The following CATSPERE variants were observed in gnomAD, a reference collection of about 807,000 sequenced individuals.
CATSPERE encodes catsper channel auxiliary subunit epsilon, also known as cation channel sperm-associated auxiliary subunit epsilon.
Under a neutral mutation model 114.1 loss-of-function variants are expected in CATSPERE, and 93 were observed. The observed-to-expected ratio is 0.81, with a 90% CI of 0.69 to 0.97. The LOEUF (loss-of-function observed/expected upper bound fraction) is 0.97. Among genes scored for constraint, CATSPERE ranks in the 50% least tolerant of loss-of-function variants. The pLI is 0.00. For synonymous variants in CATSPERE, 341 were observed against 384.1 expected, an observed-to-expected ratio of 0.89 and a Z score of 1.31; for missense variants, 1,058 against 1,131.6, an observed-to-expected ratio of 0.93 and a Z score of 0.93.
chr1:244,493,177 G>A (rs1572387360), intron 6 of CATSPERE, among the ~76,000 whole-genome samples: 1 of 152,142 alleles, frequency 6.6e-6, no homozygotes, highest in Non-Finnish European at 1.5e-5. Context: ...GAGGCATCAT[G>A]CTACCTGACT....
chr1:244,588,589 A>G, intron 14 of CATSPERE, 55 bp downstream of exon 14: 4 of 1,317,276 alleles, frequency 3.0e-6, no homozygotes, highest in Non-Finnish European at 4.4e-6. Context: ...AACAAATGGT[A>G]AACTAAGTGA....
At chr1:244,606,151 C>T (rs1241976665) in intron 18 of CATSPERE, among the ~76,000 whole-genome samples, 1 of 152,130 alleles carries the variant, frequency 6.6e-6, no homozygotes, top group African/African-American at 2.4e-5. Context: ...CTCTGGGCTT[C>T]GTCTCACTTG....
chr1:244,513,337 G>A (rs1676068699), intron 7 of CATSPERE, among the ~76,000 whole-genome samples: 1 of 152,192 alleles, frequency 6.6e-6, no homozygotes, highest in Admixed American at 6.5e-5. Flanking sequence ...CATGGTGGAA[G>A]TGATGGGCAG....
chr1:244,626,485 CA>C (rs35687880), intron 20 of CATSPERE, among the ~76,000 whole-genome samples: 39,515 of 66,898 alleles, frequency 0.59, 9,356 homozygotes, highest in East Asian at 0.72. Flanking sequence ...AATTCCATCT[CA>C]AAAAAAAAAA....
At chr1:244,527,437 A>C (rs189414090) in intron 8 of CATSPERE, among the ~76,000 whole-genome samples, 3 of 152,206 alleles carry the variant, frequency 2.0e-5, no homozygotes, top group Admixed American at 6.5e-5. Context: ...GTTTAAGGTT[A>C]TCTCTCTTGT....
At chr1:244,535,533 C>T (rs1326615562) in intron 8 of CATSPERE, among the ~76,000 whole-genome samples, 2 of 152,156 alleles carry the variant, frequency 1.3e-5, no homozygotes, top group Admixed American at 6.6e-5. Context: ...TTCCCTGTGG[C>T]CACCACCACC....
At chr1:244,621,907 ACAT>A (rs2148721538) in intron 20 of CATSPERE, among the ~76,000 whole-genome samples, 1 of 152,358 alleles carries the variant, frequency 6.6e-6, no homozygotes, top group African/African-American at 2.4e-5. Context: ...ACTACAGTCC[ACAT>A]CATCATTTAC....
At chr1:244,541,268 G>A (rs1658666802) in intron 8 of CATSPERE, among the ~76,000 whole-genome samples, 1 of 150,220 alleles carries the variant, frequency 6.7e-6, no homozygotes, top group Non-Finnish European at 1.5e-5. Context: ...CTGACAAAGG[G>A]CTAATATCCA....
chr1:244,545,705 A>G (rs878960277), intron 8 of CATSPERE, among the ~76,000 whole-genome samples: 2 of 152,210 alleles, frequency 1.3e-5, no homozygotes, highest in African/African-American at 4.8e-5. Flanking sequence ...GCTGTCCATC[A>G]TGAACTGTTA....
At chr1:244,513,776 G>A (rs911133459) in intron 7 of CATSPERE, among the ~76,000 whole-genome samples, 1 of 152,056 alleles carries the variant, frequency 6.6e-6, no homozygotes, top group Non-Finnish European at 1.5e-5. Flanking sequence ...AGGGCAGGTG[G>A]ATTCCCAGGC....
rs544491765 is a variant in CATSPERE, at chr1:244,538,709, C to A, written c.537-13613C>A. ...ATTCCCCTAGGCCCACAGTTTCCCC[C>A]ATGGGGAAAGATAGTGGAGCTGGAT... On this transcript the variant is annotated intron_variant, in intron 8 of 21. Transcript: ENST00000366534. Among the ~76,000 whole-genome samples the A allele has an allele frequency of 1.1e-4, 17 of 152,198 alleles. No individual in the cohort carries two copies. The East Asian group carries it at 3.1e-3, about 28-fold the overall frequency.
At chr1:244,461,838 G>A (rs886509375) in intron 1 of CATSPERE, among the ~76,000 whole-genome samples, 1 of 152,146 alleles carries the variant, frequency 6.6e-6, no homozygotes, top group Non-Finnish European at 1.5e-5. Context: ...TTTAGAGACG[G>A]CCTCTTGCTC....
intron 1 of CATSPERE, 130 bp from the exon 2 acceptor site, chr1:244,463,778 T>C (rs1403025385): frequency 4.0e-6 from 3 of 759,068 alleles, no homozygotes; most frequent in Non-Finnish European, 6.9e-6. Flanking sequence ...CCTGAGTTGC[T>C]GTCAAGGAAG....
chr1:244,594,642 AC>A (rs1319499639), intron 17 of CATSPERE, among the ~76,000 whole-genome samples: 2 of 152,212 alleles, frequency 1.3e-5, no homozygotes, highest in African/African-American at 2.4e-5. Context: ...TAAAACATCA[AC>A]AAAATGTTCT....
At position 244,581,787 on chromosome 1, in the gene CATSPERE, T is replaced by C; in HGVS notation, c.1951-9T>C. 1 of 1,271,756 alleles carries C rather than the reference T, an allele frequency of 7.9e-7. No individual in the cohort carries two copies. The highest frequency in any genetic ancestry group is 1.1e-6 in the Non-Finnish European group (1 of 901,736). 78.8% of individuals were successfully genotyped at this position (1,271,756 alleles called of 1,614,324 possible). ...TGCTTTACATAAATTTTAAATTTTC[T>C]TTTTTCAGACACTAACATTTTATCA... is the stretch of plus-strand genomic sequence containing the variant. On this transcript the variant is annotated splice_polypyrimidine_tract_variant and intron_variant, in intron 11 of 21. Coordinates refer to ENST00000366534, the MANE Select transcript of CATSPERE (RefSeq NM_001130957.2).
At chr1:244,610,483 G>A (rs755325999) in intron 19 of CATSPERE, 157 bp downstream of exon 19, 50 of 698,620 alleles carry the variant, frequency 7.2e-5, no homozygotes, top group Middle Eastern at 2.5e-4. Context: ...TTTTTAAAAT[G>A]CTTCATCTTA....
Position 244,504,856 on chromosome 1 carries a change from C to T in CATSPERE, c.429+5777C>T, listed in dbSNP as rs545330155. Among the ~76,000 whole-genome samples, 13 of 152,340 alleles carry T rather than the reference C, an allele frequency of 8.5e-5. No homozygotes were observed. In the South Asian group the frequency reaches 2.7e-3, roughly 32 times the overall value. On this transcript the variant is annotated intron_variant, in intron 7 of 21. Transcript: ENST00000366534. The surrounding 1 kb of genome is among the most constrained non-coding windows in gnomAD (Gnocchi z 4.1). ...ACTGTAAAGTTCCTCTTTCTTCTCC[C>T]TGTCCATGTTGTTCGCCTTGGAAGT...
intron 8 of CATSPERE, among the ~76,000 whole-genome samples, chr1:244,546,570 A>G (rs1177682755): frequency 6.6e-6 from 1 of 152,252 alleles, no homozygotes. Flanking sequence ...GTGCACTTCA[A>G]GAAAATACAG....
chr1:244,572,244 A>T, intron 10 of CATSPERE, 86 bp from the exon 11 acceptor site: 1 of 693,894 alleles, frequency 1.4e-6, no homozygotes, highest in Non-Finnish European at 2.4e-6. Context: ...ATTATCAAAG[A>T]AATTATTTTG....
Sources: gnomAD v4.1 joint callset for allele counts (sites outside exome capture counted in the v4.1 genomes callset) on GRCh38, gnomAD v4.1.1 for gene constraint, Gnocchi (gnomAD v3.1) non-coding constraint, MANE v1.5 for transcripts, NCBI Gene and HGNC (gene_info 2026-07-23, HGNC 2026-07-21) for gene names.